Variants in ATP8A2 observed in about 807,000 individuals in gnomAD.
ATP8A2 encodes the protein ATPase phospholipid transporting 8A2.
ATP8A2 carries 100 observed loss-of-function variants against 165.6 expected under a neutral mutation model. That is an observed-to-expected ratio of 0.60 (90% CI 0.51 to 0.71). The LOEUF (loss-of-function observed/expected upper bound fraction) is 0.71, where lower values mean the gene tolerates loss of function less well. Among genes scored for constraint, ATP8A2 ranks in the 30% least tolerant of loss-of-function variants. ATP8A2 has a pLI of 0.00. For synonymous variants in ATP8A2, 543 were observed against 548.8 expected (o/e 0.99, Z 0.15); for missense variants, 1,227 against 1,479.5 (o/e 0.83, Z 2.80).
chr13:25,861,653 G>C (rs781714297), intron 32 of ATP8A2, among the ~76,000 whole-genome samples: 1 of 152,186 alleles, frequency 6.6e-6, no homozygotes, highest in African/African-American at 2.4e-5. Flanking sequence ...GATGTTAGAG[G>C]AGGAGGTAGT....
At chr13:25,427,186 C>G (rs1297951042) in intron 1 of ATP8A2, among the ~76,000 whole-genome samples, 2 of 152,118 alleles carry the variant, frequency 1.3e-5, no homozygotes, top group East Asian at 3.9e-4. Context: ...CTCCCCATAG[C>G]TCCCCATTAC....
chr13:25,535,439 AG>A (rs2038247250), intron 6 of ATP8A2, among the ~76,000 whole-genome samples: 1 of 152,184 alleles, frequency 6.6e-6, no homozygotes, highest in Non-Finnish European at 1.5e-5. Flanking sequence ...GAGTGGATTC[AG>A]GGATCTGGAA....
At chr13:25,637,016 G>A (rs1379123155) in intron 24 of ATP8A2, among the ~76,000 whole-genome samples, 8 of 141,468 alleles carry the variant, frequency 5.7e-5, no homozygotes, top group Non-Finnish European at 9.0e-5. Flanking sequence ...CTTAAGATTG[G>A]GAGGTTGACA....
At chr13:25,847,043 A>G (rs1188795040) in intron 30 of ATP8A2, among the ~76,000 whole-genome samples, 2 of 152,244 alleles carry the variant, frequency 1.3e-5, no homozygotes, top group Non-Finnish European at 2.9e-5. Context: ...TTCAGAGTCA[A>G]GCATTAAATG....
chr13:25,965,111 A>G (rs1423386522), intron 34 of ATP8A2, among the ~76,000 whole-genome samples: 1 of 152,166 alleles, frequency 6.6e-6, no homozygotes, highest in Non-Finnish European at 1.5e-5. Context: ...GTGAGCCGAG[A>G]TCGCACCAAT....
intron 25 of ATP8A2, among the ~76,000 whole-genome samples, chr13:25,735,206 G>T (rs928295686): frequency 6.6e-6 from 1 of 152,194 alleles, no homozygotes; most frequent in Non-Finnish European, 1.5e-5. Context: ...AGATGTAGCT[G>T]AAGAGTTAGA....
At chr13:25,959,198 G>A in intron 33 of ATP8A2, among the ~76,000 whole-genome samples, 1 of 152,202 alleles carries the variant, frequency 6.6e-6, no homozygotes, top group African/African-American at 2.4e-5. Context: ...CTTTCTTGTG[G>A]TTTTCTTGGT....
At chr13:25,730,054 C>T (rs187024054) in intron 25 of ATP8A2, among the ~76,000 whole-genome samples, 63 of 149,548 alleles carry the variant, frequency 4.2e-4, no homozygotes, top group African/African-American at 1.5e-3. Context: ...ACTTTGGAGG[C>T]CGAGGTGGGC....
intron 33 of ATP8A2, among the ~76,000 whole-genome samples, chr13:25,947,678 C>T (rs1955248592): frequency 6.6e-6 from 1 of 152,204 alleles, no homozygotes; most frequent in Non-Finnish European, 1.5e-5. Context: ...CCTGTGGAAG[C>T]AGCTGAGGCT....
At chr13:25,888,820 T>C (rs1379734552) in intron 33 of ATP8A2, among the ~76,000 whole-genome samples, 1 of 152,156 alleles carries the variant, frequency 6.6e-6, no homozygotes, top group Non-Finnish European at 1.5e-5. Context: ...GATCGCACCA[T>C]TGCGCTCCAG....
intron 30 of ATP8A2, among the ~76,000 whole-genome samples, chr13:25,853,492 T>G (rs1198992053): frequency 1.3e-5 from 2 of 151,366 alleles, no homozygotes; most frequent in Non-Finnish European, 2.9e-5. Context: ...ACATGTTCTA[T>G]GTCCTCCCTA....
intron 27 of ATP8A2, among the ~76,000 whole-genome samples, chr13:25,799,472 G>T (rs1018736297): frequency 1.3e-5 from 2 of 152,174 alleles, no homozygotes; most frequent in Admixed American, 6.5e-5. Flanking sequence ...TGAATATGGA[G>T]CTCCTACCTG....
intron 29 of ATP8A2, 144 bp downstream of exon 29, chr13:25,837,429 A>T (rs1256865175): frequency 1.8e-4 from 10 of 56,066 alleles, no homozygotes; most frequent in Non-Finnish European, 2.6e-4. Context: ...ACCACCACAC[A>T]CACACACACA....
At position 25,798,832 on chromosome 13, in the gene ATP8A2, T is replaced by C. The variant is rs1290185914; in HGVS notation, c.2679+23873T>C. On this transcript the variant is annotated intron_variant, in intron 27 of 36. Transcript: ENST00000381655. ...TGCAGGGGAGGCAAAGCTTTACCTC[T>C]ATCCTCTTAGGGTCCTGGCTGGGCC... Among the ~76,000 whole-genome samples, 6 of 152,114 alleles carry C rather than the reference T, an allele frequency of 3.9e-5. 1 individual carries two copies. The highest frequency in any genetic ancestry group is 3.3e-4 in the Admixed American group (5 of 15,254).
chr13:25,552,459 T>A (rs2038853625), intron 11 of ATP8A2, among the ~76,000 whole-genome samples: 1 of 152,224 alleles, frequency 6.6e-6, no homozygotes, highest in South Asian at 2.1e-4. Flanking sequence ...CAATGCAATT[T>A]TATGATGCTT....
At position 25,434,969 on chromosome 13, in the gene ATP8A2, A is replaced by C. The variant is rs760619885; in HGVS notation, c.77-34008A>C. Among the ~76,000 whole-genome samples the C allele has an allele frequency of 7.9e-5, 12 of 152,226 alleles. No individual in the cohort carries two copies. The South Asian group carries it at 8.3e-4, about 11-fold the overall frequency. On this transcript the variant is annotated intron_variant, in intron 1 of 36. Transcript: ENST00000381655. ...TGATGATGGCGTTAATGAGAAAGAAACCATGGAAGTGCTTCAGGCCCTCTG... is the reference window on the plus strand; with the variant it reads ...TGATGATGGCGTTAATGAGAAAGAACCCATGGAAGTGCTTCAGGCCCTCTG...
intron 1 of ATP8A2, among the ~76,000 whole-genome samples, chr13:25,419,652 T>TC (rs34693177): frequency 0.44 from 67,611 of 151,988 alleles, 15,871 homozygotes; most frequent in East Asian, 0.6. Flanking sequence ...TTTGTTCTCA[T>TC]AACCGTAATG....
At chr13:25,678,569 G>C (rs1044250102) in intron 24 of ATP8A2, among the ~76,000 whole-genome samples, 9 of 152,164 alleles carry the variant, frequency 5.9e-5, no homozygotes, top group Non-Finnish European at 1.3e-4. Flanking sequence ...AGGACTGGTG[G>C]AGTCAAGCAG....
chr13:25,392,238 T>TA (rs1372748291), intron 1 of ATP8A2, among the ~76,000 whole-genome samples: 5 of 152,258 alleles, frequency 3.3e-5, no homozygotes, highest in Admixed American at 3.3e-4. Context: ...GAAAATAATT[T>TA]AAAATCTAAG....
Sources: allele counts gnomAD v4.1 joint callset (sites outside exome capture counted in the v4.1 genomes callset), GRCh38; gene constraint gnomAD v4.1.1; transcripts MANE v1.5; gene names NCBI Gene and HGNC (gene_info 2026-07-23, HGNC 2026-07-21).